Variants in TMEM178B observed in about 807,000 individuals in gnomAD.
TMEM178B encodes transmembrane protein 178B.
A neutral mutation model predicts 31.0 loss-of-function variants in TMEM178B; 5 were observed. The observed-to-expected ratio is 0.16, with a 90% CI of 0.08 to 0.34. The LOEUF (loss-of-function observed/expected upper bound fraction) is 0.34, where lower values mean the gene tolerates loss of function less well. TMEM178B is among the 10% of genes least tolerant of loss of function. The probability of loss-of-function intolerance (pLI) is 1.00; values close to 1 mark genes in which losing one functional copy is unlikely to be tolerated. For synonymous variants in TMEM178B, 164 were observed against 164.0 expected, an observed-to-expected ratio of 1.00 and a Z score of 0.00; for missense variants, 275 against 400.3, an observed-to-expected ratio of 0.69 and a Z score of 2.67.
At chr7:141,496,649 G>A in the TMEM178B span, among the ~76,000 whole-genome samples, 7 of 108,596 alleles carry the variant, frequency 6.4e-5, no homozygotes, top group Admixed American at 1.3e-4. Context: ...CAGCCTGGGC[G>A]ACAGAGCGAG....
chr7:141,143,745 C>G (rs538083355), intron 1 of TMEM178B, among the ~76,000 whole-genome samples: 266 of 152,042 alleles, frequency 1.7e-3, no homozygotes, highest in Non-Finnish European at 2.5e-3. Flanking sequence ...TTTTTCTAGT[C>G]TGCGAAAAAT....
intron 2 of TMEM178B, among the ~76,000 whole-genome samples, chr7:141,265,188 T>C (rs1463215936): frequency 6.6e-6 from 1 of 152,170 alleles, no homozygotes; most frequent in African/African-American, 2.4e-5. Flanking sequence ...ACCTCTGGTT[T>C]CCTGGTTTGG....
chr7:141,387,691 C>T (rs1800458762), intron 2 of TMEM178B, among the ~76,000 whole-genome samples: 1 of 152,232 alleles, frequency 6.6e-6, no homozygotes, highest in South Asian at 2.1e-4. Flanking sequence ...CCGTTCCTGT[C>T]ACCCGGTGGG....
chr7:141,176,794 G>T (rs1417543839), intron 1 of TMEM178B, among the ~76,000 whole-genome samples: 1 of 152,054 alleles, frequency 6.6e-6, no homozygotes, highest in African/African-American at 2.4e-5. Context: ...CTGTGGGATC[G>T]GTGGTGATAT....
chr7:141,336,756 C>G lies in TMEM178B; in HGVS notation c.497-100852C>G, dbSNP rs531371617. The stretch of plus-strand genomic sequence containing the variant: ...CACTTCTAGCATCCCACCATTACCA[C>G]CACCAACACTACAATCATCACCATC... On this transcript the variant is annotated intron_variant, in intron 2 of 3. Coordinates refer to ENST00000565468, the MANE Select transcript of TMEM178B (RefSeq NM_001195278.2). Among the ~76,000 whole-genome samples the G allele has an allele frequency of 3.3e-5, 5 of 151,440 alleles. No individual in the cohort carries two copies. The East Asian group carries it at 9.7e-4, about 29-fold the overall frequency.
At chr7:141,412,720 C>T (rs1486126656) in intron 2 of TMEM178B, among the ~76,000 whole-genome samples, 1 of 152,202 alleles carries the variant, frequency 6.6e-6, no homozygotes, top group Non-Finnish European at 1.5e-5. Context: ...TCACCCAGTG[C>T]TCAGTGCCCC....
intron 1 of TMEM178B, among the ~76,000 whole-genome samples, chr7:141,178,235 A>C (rs962117944): frequency 6.6e-6 from 1 of 152,208 alleles, no homozygotes; most frequent in African/African-American, 2.4e-5. Context: ...TTCTGGGTTG[A>C]AAATTCTTTT....
Position 141,117,172 on chromosome 7 carries a change from A to T in TMEM178B, c.382+42480A>T, listed in dbSNP as rs34344523. ...CGTATTTCTCCACATCCTCTCCAGC[A>T]TCTGTTGTTTCCTGACTTTTTAACG... On this transcript the variant is annotated intron_variant, in intron 1 of 3. Transcript: ENST00000565468. Among the ~76,000 whole-genome samples, 937 of 152,332 alleles carry T rather than the reference A, an allele frequency of 6.2e-3. 7 individuals are homozygous for T. The highest frequency in any genetic ancestry group is 0.017 in the Middle Eastern group (5 of 294).
chr7:141,117,265 GTGA>G (rs1490483881), intron 1 of TMEM178B, among the ~76,000 whole-genome samples: 1 of 152,206 alleles, frequency 6.6e-6, no homozygotes, highest in African/African-American at 2.4e-5. Flanking sequence ...CTAATGACCA[GTGA>G]TGATGAGCTT....
intron 2 of TMEM178B, among the ~76,000 whole-genome samples, chr7:141,316,996 G>C (rs1799017158): frequency 6.6e-6 from 1 of 152,166 alleles, no homozygotes; most frequent in Non-Finnish European, 1.5e-5. Context: ...TTCTGGCTTT[G>C]GTGCTGGATA....
chr7:141,509,009 A>G, the TMEM178B span, among the ~76,000 whole-genome samples: 1 of 152,216 alleles, frequency 6.6e-6, no homozygotes, highest in Non-Finnish European at 1.5e-5. Context: ...AACACCTTCT[A>G]GTATATGCGG....
chr7:141,476,168 G>A lies in TMEM178B; in HGVS notation c.*5382G>A, dbSNP rs181340332. The A allele has an allele frequency of 1.3e-5, 2 of 152,176 alleles. No individual in the cohort carries two copies. The highest frequency in any genetic ancestry group is 2.4e-5 in the African/African-American group (1 of 41,442). The allele number at this position is 152,176 out of a possible 1,614,324, so 9.4% of individuals were successfully genotyped here. A position where few individuals can be genotyped will look rare whatever the true frequency, so the allele number is the denominator to read the frequency against. On this transcript the variant is annotated 3_prime_UTR_variant, in exon 4 of 4. Coordinates refer to ENST00000565468, the MANE Select transcript of TMEM178B (RefSeq NM_001195278.2). ...GCTGAAGGATAACCCAGAGTGCAAG[G>A]TCATCTTTGTTGCTGAACAGGGCTG... is the stretch of plus-strand genomic sequence containing the variant.
chr7:141,500,323 C>G, the TMEM178B span, among the ~76,000 whole-genome samples: 1 of 152,082 alleles, frequency 6.6e-6, no homozygotes, highest in Admixed American at 6.6e-5. Context: ...AGGGTAGGAG[C>G]ATAAGCCAAT....
At chr7:141,429,635 G>C (rs572961081) in intron 2 of TMEM178B, 1 of 152,288 alleles carries the variant, frequency 6.6e-6, no homozygotes, top group African/African-American at 2.4e-5. Flanking sequence ...TGTACAGTAA[G>C]GTGACTATTG....
At chr7:141,150,763 T>A (rs1243883191) in intron 1 of TMEM178B, among the ~76,000 whole-genome samples, 1 of 152,240 alleles carries the variant, frequency 6.6e-6, no homozygotes, top group Non-Finnish European at 1.5e-5. Context: ...AACTGCCTAG[T>A]CAGCCGACAA....
chr7:141,263,139 G>A (rs547131487), intron 2 of TMEM178B, among the ~76,000 whole-genome samples: 6 of 152,248 alleles, frequency 3.9e-5, no homozygotes, highest in African/African-American at 7.2e-5. Flanking sequence ...GTTTCTAAGC[G>A]GAGGGGCCCA....
At chr7:141,178,265 T>C (rs776401289) in intron 1 of TMEM178B, among the ~76,000 whole-genome samples, 4 of 152,232 alleles carry the variant, frequency 2.6e-5, no homozygotes, top group Non-Finnish European at 5.9e-5. Flanking sequence ...TGTTGAATAT[T>C]GGCCCCCACA....
At chr7:141,486,942 TAAC>T in the TMEM178B span, among the ~76,000 whole-genome samples, 28 of 152,208 alleles carry the variant, frequency 1.8e-4, no homozygotes, top group African/African-American at 6.7e-4. Context: ...GACATTCTGA[TAAC>T]AACCAGAAGG....
chr7:141,436,036 G>A (rs946679771), intron 2 of TMEM178B, among the ~76,000 whole-genome samples: 4 of 152,128 alleles, frequency 2.6e-5, no homozygotes, highest in East Asian at 1.9e-4. Context: ...CTCCCTGGCC[G>A]GGGGCTGTCA....
Sources: allele counts gnomAD v4.1 joint callset (sites outside exome capture counted in the v4.1 genomes callset), GRCh38; gene constraint gnomAD v4.1.1; transcripts MANE v1.5; gene names NCBI Gene and HGNC (gene_info 2026-07-23, HGNC 2026-07-21).